Variants in AFG2A observed in about 807,000 individuals in gnomAD.
AFG2A encodes AAA ATPase AFG2A.
the AFG2A span, among the ~76,000 whole-genome samples, chr4:122,964,351 A>G: frequency 5.3e-5 from 8 of 151,988 alleles, no homozygotes; most frequent in Non-Finnish European, 8.8e-5. Context: ...TAAAAATGCA[A>G]AAATTAGCCG....
At chr4:123,116,879 T>G in the AFG2A span, among the ~76,000 whole-genome samples, 1,522 of 148,810 alleles carry the variant, frequency 0.01, 85 homozygotes, top group Admixed American at 0.078. Flanking sequence ...TTCATGGACA[T>G]GAAATGAAAC....
At chr4:122,961,025 A>G in the AFG2A span, among the ~76,000 whole-genome samples, 1 of 152,356 alleles carries the variant, frequency 6.6e-6, no homozygotes, top group African/African-American at 2.4e-5. Flanking sequence ...TGAGCTCTAC[A>G]TTCAGATGCT....
chr4:123,069,408 C>T, the AFG2A span, among the ~76,000 whole-genome samples: 1 of 152,092 alleles, frequency 6.6e-6, no homozygotes, highest in Non-Finnish European at 1.5e-5. Context: ...AAATGATGAT[C>T]CTGTATTATC....
chr4:123,102,102 T>C, the AFG2A span: 1 of 151,934 alleles, frequency 6.6e-6, no homozygotes, highest in East Asian at 1.9e-4. Flanking sequence ...ATAGAGATTA[T>C]CAATGTTATA....
chr4:123,135,498 A>G, the AFG2A span, among the ~76,000 whole-genome samples: 1 of 152,326 alleles, frequency 6.6e-6, no homozygotes, highest in South Asian at 2.1e-4. Flanking sequence ...ACATGATCTT[A>G]TACAGTTACA....
At chr4:122,994,789 A>G in the AFG2A span, among the ~76,000 whole-genome samples, 1 of 151,500 alleles carries the variant, frequency 6.6e-6, no homozygotes, top group Non-Finnish European at 1.5e-5. Context: ...ATCCAGGTTA[A>G]ACTTAGAGGT....
chr4:123,017,236 G>A, the AFG2A span, among the ~76,000 whole-genome samples: 1 of 136,124 alleles, frequency 7.3e-6, no homozygotes, highest in Non-Finnish European at 1.6e-5. Flanking sequence ...GAGAGGGAAA[G>A]GGAGAGGGAG....
At chr4:123,217,261 T>C in the AFG2A span, among the ~76,000 whole-genome samples, 9 of 152,114 alleles carry the variant, frequency 5.9e-5, no homozygotes, top group Non-Finnish European at 1.0e-4. Context: ...TTTTGACAGA[T>C]GTGAGGGTCA....
At chr4:123,001,123 T>G in the AFG2A span, among the ~76,000 whole-genome samples, 1 of 145,280 alleles carries the variant, frequency 6.9e-6, no homozygotes, top group Non-Finnish European at 1.5e-5. Context: ...TGATGGTAGT[T>G]TGTATTTCTG....
the AFG2A span, among the ~76,000 whole-genome samples, chr4:122,948,653 A>G: frequency 4.9e-4 from 75 of 152,280 alleles, 1 homozygote; most frequent in Middle Eastern, 0.01. Flanking sequence ...CTTAGGGCTT[A>G]TTTGGCAGAA....
chr4:123,219,850 T>C, the AFG2A span, among the ~76,000 whole-genome samples: 1 of 152,106 alleles, frequency 6.6e-6, no homozygotes, highest in Non-Finnish European at 1.5e-5. Context: ...CTGAACTATT[T>C]AACTGTAATG....
chr4:123,185,440 G>T, the AFG2A span, among the ~76,000 whole-genome samples: 2 of 152,034 alleles, frequency 1.3e-5, no homozygotes, highest in Non-Finnish European at 2.9e-5. Flanking sequence ...CTCTGTGAGA[G>T]TCTAAGTATG....
At chr4:122,999,393 T>C in the AFG2A span, among the ~76,000 whole-genome samples, 1 of 151,962 alleles carries the variant, frequency 6.6e-6, no homozygotes, top group Admixed American at 6.5e-5. Context: ...CATGCCTATG[T>C]CCTGCATGGT....
At chr4:123,018,964 C>T in the AFG2A span, among the ~76,000 whole-genome samples, 4 of 151,664 alleles carry the variant, frequency 2.6e-5, no homozygotes, top group Admixed American at 1.3e-4. Context: ...ATTGGTTTGC[C>T]TTTAGTTTAA....
chr4:123,205,443 T>A, the AFG2A span, among the ~76,000 whole-genome samples: 132 of 149,046 alleles, frequency 8.9e-4, no homozygotes, highest in Non-Finnish European at 1.4e-3. Context: ...TCAAAAAAAT[T>A]TTTAAGAAAA....
At chr4:122,955,893 G>C in the AFG2A span, among the ~76,000 whole-genome samples, 2 of 152,290 alleles carry the variant, frequency 1.3e-5, no homozygotes, top group East Asian at 3.9e-4. Context: ...GGATTAGTGG[G>C]CCTGGTCGTA....
chr4:123,161,224 A>G, the AFG2A span, among the ~76,000 whole-genome samples: 1 of 152,214 alleles, frequency 6.6e-6, no homozygotes, highest in Non-Finnish European at 1.5e-5. Context: ...ATGTCTAGCT[A>G]TAAAGTTTAT....
At chr4:123,075,360 G>A in the AFG2A span, among the ~76,000 whole-genome samples, 5 of 151,556 alleles carry the variant, frequency 3.3e-5, no homozygotes, top group Non-Finnish European at 5.9e-5. Context: ...AATGATTTAC[G>A]CAATCTTGGC....
the AFG2A span, among the ~76,000 whole-genome samples, chr4:123,000,054 C>T: frequency 2.7e-5 from 4 of 150,434 alleles, no homozygotes; most frequent in South Asian, 8.4e-4. Flanking sequence ...GTATTTTATT[C>T]TCTTTGAAGC....
Sources: gnomAD v4.1 joint callset for allele counts (sites outside exome capture counted in the v4.1 genomes callset) on GRCh38, gnomAD v4.1.1 for gene constraint, MANE v1.5 for transcripts, NCBI Gene and HGNC (gene_info 2026-07-23, HGNC 2026-07-21) for gene names.